HPSE2: variants seen among roughly 807,000 people sequenced by gnomAD.
The protein encoded by HPSE2 is inactive heparanase-2.
In HPSE2, 38 loss-of-function variants were observed where a neutral mutation model predicts 60.5. The observed-to-expected ratio is 0.63, with a 90% CI of 0.48 to 0.82. The LOEUF (loss-of-function observed/expected upper bound fraction) is 0.82, where lower values mean the gene tolerates loss of function less well. Among genes scored for constraint, HPSE2 ranks in the 40% least tolerant of loss-of-function variants. HPSE2 has a pLI of 0.00. For missense variants in HPSE2, 713 were observed against 740.4 expected (o/e 0.96, Z 0.43); for synonymous variants, 295 against 293.2 (o/e 1.01, Z -0.06).
rs993436455 is a variant in HPSE2 at position 99,056,522 on chromosome 10, G to C, written c.610+87716C>G. Among the ~76,000 whole-genome samples the C allele has an allele frequency of 5.3e-5, 8 of 152,238 alleles. No homozygotes were observed. In the East Asian group the frequency reaches 1.5e-3, roughly 29 times the overall value. ...AAGAAAAAAAGGTTATAAACCAATA[G>C]CCCAAATCCTCAACTAAGTTCTGGG... On this transcript the variant is annotated intron_variant, in intron 3 of 11. Coordinates refer to ENST00000370552, the MANE Select transcript of HPSE2 (RefSeq NM_021828.5).
At chr10:98,573,555 G>C (rs1283302369) in intron 9 of HPSE2, among the ~76,000 whole-genome samples, 1 of 152,182 alleles carries the variant, frequency 6.6e-6, no homozygotes, top group Non-Finnish European at 1.5e-5. Context: ...CAGGTGAAAT[G>C]GGGTGAGAGC....
chr10:98,475,425 C>A (rs946106078), intron 11 of HPSE2, among the ~76,000 whole-genome samples: 2 of 152,086 alleles, frequency 1.3e-5, no homozygotes, highest in Non-Finnish European at 2.9e-5. Context: ...AGCCCGGGAC[C>A]ATAATTCTTT....
chr10:99,107,227 T>C (rs1844283765), intron 3 of HPSE2, among the ~76,000 whole-genome samples: 1 of 152,190 alleles, frequency 6.6e-6, no homozygotes, highest in Admixed American at 6.5e-5. Context: ...TATATCCTTT[T>C]CTCTGATATT....
intron 2 of HPSE2, among the ~76,000 whole-genome samples, chr10:99,171,904 T>C (rs1005062489): frequency 1.3e-5 from 2 of 152,124 alleles, no homozygotes; most frequent in African/African-American, 2.4e-5. Context: ...CTTATTATCA[T>C]TTAGGAATAA....
intron 3 of HPSE2, among the ~76,000 whole-genome samples, chr10:99,034,842 T>A (rs566347564): frequency 1.3e-5 from 2 of 152,170 alleles, no homozygotes; most frequent in Non-Finnish European, 2.9e-5. Flanking sequence ...TTCTAACACA[T>A]GGTAATTGTG....
chr10:99,229,453 A>G (rs147361792), intron 2 of HPSE2, among the ~76,000 whole-genome samples: 2,250 of 152,300 alleles, frequency 0.015, 30 homozygotes, highest in Non-Finnish European at 0.019. Context: ...AATATATATT[A>G]GAAATTTGCT....
At chr10:99,176,726 C>A (rs775372276) in intron 2 of HPSE2, among the ~76,000 whole-genome samples, 5 of 151,904 alleles carry the variant, frequency 3.3e-5, no homozygotes, top group Non-Finnish European at 5.9e-5. Context: ...ACTTCCTCAA[C>A]CTAGCAAGAC....
At chr10:99,244,161 G>A in the HPSE2 span, among the ~76,000 whole-genome samples, 10 of 151,216 alleles carry the variant, frequency 6.6e-5, no homozygotes, top group African/African-American at 2.4e-4. Flanking sequence ...GGGACTACAA[G>A]CGCCCGCCAC....
intron 3 of HPSE2, among the ~76,000 whole-genome samples, chr10:99,106,942 C>T (rs1844271443): frequency 6.6e-6 from 1 of 152,152 alleles, no homozygotes; most frequent in Non-Finnish European, 1.5e-5. Flanking sequence ...GTGATTTCAG[C>T]TCGCTGCAAC....
At chr10:98,869,875 T>C (rs1465436548) in intron 3 of HPSE2, among the ~76,000 whole-genome samples, 1 of 151,976 alleles carries the variant, frequency 6.6e-6, no homozygotes, top group African/African-American at 2.4e-5. Context: ...ATTATTACAA[T>C]AGGAAATCAA....
At position 98,824,720 on chromosome 10, in the gene HPSE2, T is replaced by C. The variant is rs559352117; in HGVS notation, c.611-80664A>G. Among the ~76,000 whole-genome samples, 19 of 152,348 alleles carry C rather than the reference T, an allele frequency of 1.2e-4. No individual in the cohort carries two copies. The South Asian group carries it at 3.3e-3, about 27-fold the overall frequency. On this transcript the variant is annotated intron_variant, in intron 3 of 11. Coordinates refer to ENST00000370552, the MANE Select transcript of HPSE2 (RefSeq NM_021828.5). Reference sequence around the variant, plus strand: ...TCCATCTGAGGACAGAATTAAATAATGTGAGTTTTCTAGAATATCAAAACC... The same window carrying C: ...TCCATCTGAGGACAGAATTAAATAACGTGAGTTTTCTAGAATATCAAAACC...
intron 3 of HPSE2, among the ~76,000 whole-genome samples, chr10:99,100,668 G>A: frequency 6.6e-6 from 1 of 152,034 alleles, no homozygotes; most frequent in East Asian, 1.9e-4. Context: ...CTCAAAAACA[G>A]CAACTCCAAG....
At chr10:98,471,042 C>A (rs993067782) in intron 11 of HPSE2, among the ~76,000 whole-genome samples, 6 of 152,168 alleles carry the variant, frequency 3.9e-5, no homozygotes, top group African/African-American at 9.7e-5. Context: ...GGAGTTAAAA[C>A]AAAACAAACA....
At chr10:98,557,237 T>C (rs1254299038) in intron 9 of HPSE2, among the ~76,000 whole-genome samples, 1 of 151,906 alleles carries the variant, frequency 6.6e-6, no homozygotes, top group Non-Finnish European at 1.5e-5. Flanking sequence ...AATTAAGCTA[T>C]AGTAATTCAG....
At chr10:98,676,083 T>C (rs1947634470) in intron 6 of HPSE2, among the ~76,000 whole-genome samples, 2 of 151,920 alleles carry the variant, frequency 1.3e-5, no homozygotes, top group African/African-American at 2.4e-5. Context: ...GAAGGGTAGA[T>C]TGGGGATTTC....
intron 2 of HPSE2, among the ~76,000 whole-genome samples, chr10:99,181,930 C>A (rs928154377): frequency 6.6e-6 from 1 of 151,934 alleles, no homozygotes; most frequent in African/African-American, 2.4e-5. Context: ...GCACCAGGGA[C>A]ACTTGCTCAC....
chr10:99,240,259 G>A (rs979205990), upstream of HPSE2, among the ~76,000 whole-genome samples: 12 of 152,048 alleles, frequency 7.9e-5, no homozygotes, highest in Non-Finnish European at 4.4e-5. Context: ...TCTCAGACAA[G>A]TGGAAATATA....
At chr10:98,996,908 G>A (rs1289258964) in intron 3 of HPSE2, among the ~76,000 whole-genome samples, 1 of 152,086 alleles carries the variant, frequency 6.6e-6, no homozygotes, top group Admixed American at 6.6e-5. Flanking sequence ...GAAACTCTCT[G>A]GGAATGATGA....
intron 3 of HPSE2, among the ~76,000 whole-genome samples, chr10:99,009,913 A>C (rs1369291935): frequency 2.0e-5 from 3 of 152,226 alleles, no homozygotes. Flanking sequence ...GGAACTTAAA[A>C]ATTAAATAAA....
Sources: allele counts gnomAD v4.1 joint callset (sites outside exome capture counted in the v4.1 genomes callset), GRCh38; gene constraint gnomAD v4.1.1; transcripts MANE v1.5; gene names NCBI Gene and HGNC (gene_info 2026-07-23, HGNC 2026-07-21).